Variants in DPP10 observed in about 807,000 individuals in gnomAD.
The protein encoded by DPP10 is inactive dipeptidyl peptidase 10.
A neutral mutation model predicts 120.9 loss-of-function variants in DPP10; 33 were observed. The observed-to-expected ratio is 0.27, with a 90% CI of 0.21 to 0.37. The LOEUF is 0.37. Among genes scored for constraint, DPP10 ranks in the 10% least tolerant of loss-of-function variants. The pLI is 1.00. For missense variants in DPP10, 816 were observed against 942.8 expected, an observed-to-expected ratio of 0.87 and a Z score of 1.76; for synonymous variants, 337 against 326.1, an observed-to-expected ratio of 1.03 and a Z score of -0.36.
chr2:114,730,416 T>C (rs1293008470), intron 1 of DPP10, among the ~76,000 whole-genome samples: 2 of 152,206 alleles, frequency 1.3e-5, no homozygotes, highest in East Asian at 3.9e-4. Context: ...AGTACTTTGG[T>C]GTGGTCATGA....
intron 1 of DPP10, among the ~76,000 whole-genome samples, chr2:114,915,139 A>G (rs1694700212): frequency 1.3e-5 from 2 of 152,188 alleles, no homozygotes; most frequent in East Asian, 1.9e-4. Flanking sequence ...TCAAAAAAAA[A>G]AATAAAAAAT....
intron 1 of DPP10, among the ~76,000 whole-genome samples, chr2:114,973,487 C>T (rs1699530200): frequency 4.0e-5 from 6 of 151,554 alleles, no homozygotes; most frequent in Non-Finnish European, 7.4e-5. Flanking sequence ...CGGTGAAACC[C>T]CGTCTCTACT....
At chr2:115,018,020 A>T (rs1411546971) in intron 1 of DPP10, among the ~76,000 whole-genome samples, 1 of 152,044 alleles carries the variant, frequency 6.6e-6, no homozygotes, top group Non-Finnish European at 1.5e-5. Context: ...AAAAAAAGAG[A>T]AAAACAACCC....
intron 1 of DPP10, among the ~76,000 whole-genome samples, chr2:114,446,674 C>T (rs567949591): frequency 5.6e-4 from 86 of 152,256 alleles, no homozygotes; most frequent in South Asian, 8.3e-4. Context: ...TATACTTAAA[C>T]GAATCTTTAA....
chr2:115,171,232 A>G (rs2053299681), intron 1 of DPP10, among the ~76,000 whole-genome samples: 1 of 151,800 alleles, frequency 6.6e-6, no homozygotes, highest in Non-Finnish European at 1.5e-5. Flanking sequence ...GTGGTGCCAC[A>G]TGCCTATAAT....
chr2:114,776,075 G>A (rs922727577), intron 1 of DPP10, among the ~76,000 whole-genome samples: 1 of 152,134 alleles, frequency 6.6e-6, no homozygotes, highest in African/African-American at 2.4e-5. Flanking sequence ...AAAACAAAAT[G>A]AGTTTTGAAG....
At chr2:115,224,975 G>T (rs1309284945) in intron 1 of DPP10, among the ~76,000 whole-genome samples, 1 of 152,132 alleles carries the variant, frequency 6.6e-6, no homozygotes, top group Non-Finnish European at 1.5e-5. Flanking sequence ...AGTACTGCCA[G>T]AGCTAGGGTT....
At chr2:115,544,024 G>A (rs1452728035) in intron 5 of DPP10, among the ~76,000 whole-genome samples, 1 of 150,664 alleles carries the variant, frequency 6.6e-6, no homozygotes, top group African/African-American at 2.4e-5. Flanking sequence ...CGCTGTACAG[G>A]TAAGGAAAAT....
intron 1 of DPP10, among the ~76,000 whole-genome samples, chr2:115,308,920 G>A (rs770421393): frequency 1.3e-5 from 2 of 151,840 alleles, no homozygotes; most frequent in Non-Finnish European, 2.9e-5. Context: ...AAATGGACTC[G>A]CTCTATTTCA....
chr2:115,655,354 G>A lies in DPP10; in HGVS notation c.442-34333G>A, dbSNP rs1278927956. ...TTGCTTTGATGCTGTATGTCTAAAA[G>A]CACTCATGAATACCTAGTGCACATG... On this transcript the variant is annotated intron_variant, in intron 5 of 25. Transcript: ENST00000410059. Among the ~76,000 whole-genome samples the A allele has an allele frequency of 2.6e-5, 4 of 151,696 alleles. No homozygotes were observed. The South Asian group carries it at 6.2e-4, about 24-fold the overall frequency.
intron 5 of DPP10, among the ~76,000 whole-genome samples, chr2:115,661,615 C>T (rs1474354614): frequency 1.3e-5 from 2 of 152,202 alleles, no homozygotes; most frequent in African/African-American, 2.4e-5. Flanking sequence ...CAGCCAGTTT[C>T]ATGGTGTGGT....
At chr2:115,522,509 C>T (rs925069901) in intron 4 of DPP10, among the ~76,000 whole-genome samples, 1 of 152,198 alleles carries the variant, frequency 6.6e-6, no homozygotes, top group Non-Finnish European at 1.5e-5. Flanking sequence ...TGTTCCCAAG[C>T]TGCCGGAAAA....
At chr2:115,806,766 A>G (rs1336218078) in intron 19 of DPP10, among the ~76,000 whole-genome samples, 1 of 152,066 alleles carries the variant, frequency 6.6e-6, no homozygotes. Flanking sequence ...CAGAAATTTA[A>G]GTTTGTTGTG....
At chr2:115,368,952 C>A (rs902951264) in intron 3 of DPP10, among the ~76,000 whole-genome samples, 1 of 151,754 alleles carries the variant, frequency 6.6e-6, no homozygotes, top group Non-Finnish European at 1.5e-5. Context: ...TTGCTATCTG[C>A]GCTTTATTTT....
At chr2:115,594,031 T>A (rs1575278822) in intron 5 of DPP10, among the ~76,000 whole-genome samples, 1 of 152,270 alleles carries the variant, frequency 6.6e-6, no homozygotes, top group Middle Eastern at 3.4e-3. Flanking sequence ...CTTAGGCCTG[T>A]CAGAAAGTGG....
rs2090666042 is a variant in DPP10, at chr2:115,681,717, CT to C, written c.442-7967del. 3.5e-5 allele frequency among the ~76,000 whole-genome samples: 5 copies of C among 140,854 alleles called. No individual in the cohort carries two copies. The South Asian group carries it at 1.1e-3, about 32-fold the overall frequency. 92.4% of individuals were successfully genotyped at this position (140,854 alleles called of 152,430 possible). ...CCTTCCTGCCTTCCTACCTTCCTTCCTTTCCTTCCTTCCTTTCTTCCTTTCT... is the reference window on the plus strand; with the variant it reads ...CCTTCCTGCCTTCCTACCTTCCTTCCTTCCTTCCTTCCTTTCTTCCTTTCT... On this transcript the variant is annotated intron_variant, in intron 5 of 25. Transcript: ENST00000410059.
At chr2:114,950,280 G>C (rs559666207) in intron 1 of DPP10, among the ~76,000 whole-genome samples, 1 of 144,878 alleles carries the variant, frequency 6.9e-6, no homozygotes, top group South Asian at 2.2e-4. Context: ...AAAATAATGA[G>C]ACCACACCTT....
intron 5 of DPP10, among the ~76,000 whole-genome samples, chr2:115,603,150 G>C (rs112823588): frequency 4.0e-5 from 6 of 149,294 alleles, no homozygotes; most frequent in Non-Finnish European, 7.4e-5. Flanking sequence ...GTGTGTGTGT[G>C]TGTGTGTGTG....
chr2:114,659,328 AT>A lies in DPP10; in HGVS notation c.60+216501del, dbSNP rs34905999. Among the ~76,000 whole-genome samples the A allele has an allele frequency of 4.1e-3, 616 of 150,430 alleles. 3 individuals carry two copies. Among genetic ancestry groups the A allele is most frequent in the East Asian group, 0.031 (160 of 5,100 alleles). On this transcript the variant is annotated intron_variant, in intron 1 of 25. Transcript: ENST00000410059. The stretch of plus-strand genomic sequence containing the variant: ...ATAATTTAAAATTCCATAGCAAGCA[AT>A]TTTTTTTTTTAAAGATTCAAAAATG...
Sources: allele counts gnomAD v4.1 joint callset (sites outside exome capture counted in the v4.1 genomes callset), GRCh38; gene constraint gnomAD v4.1.1; transcripts MANE v1.5; gene names NCBI Gene and HGNC (gene_info 2026-07-23, HGNC 2026-07-21).